The following ELMO1 variants were observed in gnomAD, a reference collection of about 807,000 sequenced individuals.
ELMO1 encodes the protein engulfment and cell motility 1, also known as engulfment and cell motility protein 1.
In ELMO1, 26 loss-of-function variants were observed where a neutral mutation model predicts 98.9. The ratio of observed to expected loss-of-function variants is 0.26; its 90% CI spans 0.19 to 0.36. ELMO1 has a LOEUF of 0.36. Ranked by LOEUF, ELMO1 falls within the 10% of genes least tolerant of loss-of-function variation. ELMO1 has a pLI of 1.00. For synonymous variants in ELMO1, 346 were observed against 346.0 expected (o/e 1.00, Z 0.00); for missense variants, 627 against 935.2 (o/e 0.67, Z 4.30).
intron 16 of ELMO1, among the ~76,000 whole-genome samples, chr7:36,977,264 T>A (rs993355823): frequency 3.3e-5 from 5 of 152,332 alleles, no homozygotes; most frequent in African/African-American, 7.2e-5. Flanking sequence ...TGAAAATTTT[T>A]AAAAAGGTTT....
At chr7:36,939,038 A>G (rs990134893) in intron 16 of ELMO1, among the ~76,000 whole-genome samples, 1 of 152,134 alleles carries the variant, frequency 6.6e-6, no homozygotes, top group Non-Finnish European at 1.5e-5. Flanking sequence ...TTAAAAACAA[A>G]GCTATAGACA....
chr7:37,132,929 T>A (rs2541097), intron 14 of ELMO1: 1 of 380,076 alleles, frequency 2.6e-6, no homozygotes. Context: ...GTCATCGAAA[T>A]AAAAAAATTA....
chr7:37,448,933 G>C (rs1260284870), upstream of ELMO1: 1 of 152,480 alleles, frequency 6.6e-6, no homozygotes, highest in East Asian at 1.9e-4. Flanking sequence ...CTGCTGGCCA[G>C]AGACACATTT....
At chr7:37,340,959 T>A (rs13247605) in intron 2 of ELMO1, among the ~76,000 whole-genome samples, 16,103 of 152,150 alleles carry the variant, frequency 0.11, 1,463 homozygotes, top group East Asian at 0.29. Context: ...AAATAGTTAT[T>A]TCGAATAAGT....
intron 16 of ELMO1, among the ~76,000 whole-genome samples, chr7:36,917,376 GATAA>G (rs1419516273): frequency 2.0e-5 from 3 of 152,100 alleles, no homozygotes; most frequent in African/African-American, 4.8e-5. Context: ...AGAAATTATT[GATAA>G]ATAGTCAAAT....
intron 15 of ELMO1, among the ~76,000 whole-genome samples, chr7:37,014,040 T>C (rs1327093181): frequency 6.6e-6 from 1 of 152,154 alleles, no homozygotes; most frequent in Non-Finnish European, 1.5e-5. Flanking sequence ...CTGAATAGCT[T>C]TGAAGGCGGC....
intron 7 of ELMO1, 41 bp downstream of exon 7, chr7:37,244,314 GA>G: frequency 6.2e-7 from 1 of 1,601,432 alleles, no homozygotes; most frequent in African/African-American, 1.3e-5. Flanking sequence ...AGGAAAGTAG[GA>G]AGGGTTAAAT....
At chr7:37,131,293 G>A (rs1786903948) in intron 14 of ELMO1, among the ~76,000 whole-genome samples, 1 of 152,058 alleles carries the variant, frequency 6.6e-6, no homozygotes, top group South Asian at 2.1e-4. Context: ...AAAGAAAAGT[G>A]CATGTGGACC....
At chr7:37,245,976 G>A (rs1360659083) in intron 6 of ELMO1, among the ~76,000 whole-genome samples, 1 of 152,170 alleles carries the variant, frequency 6.6e-6, no homozygotes, top group Non-Finnish European at 1.5e-5. Context: ...ATGTGCTGAT[G>A]TTGAAACACC....
At chr7:37,154,706 C>T (rs575990851) in intron 13 of ELMO1, among the ~76,000 whole-genome samples, 4 of 152,130 alleles carry the variant, frequency 2.6e-5, no homozygotes, top group South Asian at 2.1e-4. Context: ...CTGCAAATGA[C>T]GGGGAGAATG....
Position 37,375,390 on chromosome 7 carries a change from A to C in ELMO1, c.-73-32627T>G, listed in dbSNP as rs567119908. On this transcript the variant is annotated intron_variant, in intron 1 of 21. Transcript: ENST00000310758. ...ATCACTTACCTATGCAGGTCTTAGCAGAATTCAGGCCCCTCCCATAGATAG... is the reference window on the plus strand; with the variant it reads ...ATCACTTACCTATGCAGGTCTTAGCCGAATTCAGGCCCCTCCCATAGATAG... 43 of 588,928 alleles carry C rather than the reference A, an allele frequency of 7.3e-5. No individual in the cohort carries two copies. The South Asian group carries it at 8.4e-4, about 12-fold the overall frequency. 36.5% of individuals were successfully genotyped at this position (588,928 alleles called of 1,614,324 possible).
chr7:36,998,978 G>A (rs940910224), intron 16 of ELMO1, among the ~76,000 whole-genome samples: 2 of 151,972 alleles, frequency 1.3e-5, no homozygotes, highest in African/African-American at 4.8e-5. Flanking sequence ...TTATATTCTG[G>A]TGAGAAGACA....
At chr7:37,250,768 G>A (rs1795299059) in intron 6 of ELMO1, among the ~76,000 whole-genome samples, 1 of 147,652 alleles carries the variant, frequency 6.8e-6, no homozygotes, top group Admixed American at 6.8e-5. Flanking sequence ...CTCCAGCCTG[G>A]GTGACAAAGC....
At position 37,233,108 on chromosome 7, in the gene ELMO1, G is replaced by A. The variant is rs780651615; in HGVS notation, c.536C>T (p.Ala179Val). 5.0e-6 allele frequency: 8 copies of A among 1,613,076 alleles called. No homozygotes were observed. The highest frequency in any genetic ancestry group is 1.7e-4 in the Middle Eastern group (1 of 6,056). ...AGTCCACCTTACCTTCTTAATGAACGCCACCGAAAATGTATCCCAGGACAC... is the reference window on the plus strand; with the variant it reads ...AGTCCACCTTACCTTCTTAATGAACACCACCGAAAATGTATCCCAGGACAC... ...GIVSWDTFSVAFIKKIASFVN... is the reference protein window; with the variant it reads ...GIVSWDTFSVVFIKKIASFVN... Residue 179 changes from alanine to valine, a missense_variant, in exon 8 of 22, where the codon GCG (alanine) becomes GTG (valine). Ala to Val is a moderately conservative substitution (Grantham distance 64, BLOSUM62 0). Coordinates refer to ENST00000310758, the MANE Select transcript of ELMO1 (RefSeq NM_014800.11).
rs2131478043 is a variant in ELMO1, at chr7:37,406,328, T to C, written c.-74+42347A>G. Among the ~76,000 whole-genome samples the C allele has an allele frequency of 3.3e-5, 5 of 151,802 alleles. No homozygotes were observed. In the South Asian group the frequency reaches 1.0e-3, roughly 32 times the overall value. ...TCATGGCAAATATGAAAGATTTCCA[T>C]TGGATGAGACACTGAACTCAGTAGC... On this transcript the variant is annotated intron_variant, in intron 1 of 21. Coordinates refer to ENST00000310758, the MANE Select transcript of ELMO1 (RefSeq NM_014800.11).
intron 15 of ELMO1, among the ~76,000 whole-genome samples, chr7:37,070,881 A>G (rs1797232193): frequency 6.6e-6 from 1 of 152,248 alleles, no homozygotes. Flanking sequence ...ACTCTCATCA[A>G]GGAATCAGTG....
intron 16 of ELMO1, among the ~76,000 whole-genome samples, chr7:36,909,586 G>C (rs1784205787): frequency 6.6e-6 from 1 of 152,214 alleles, no homozygotes; most frequent in Admixed American, 6.5e-5. Flanking sequence ...CTTTTTTCGT[G>C]TGTGTGGGTT....
intron 16 of ELMO1, among the ~76,000 whole-genome samples, chr7:37,010,957 C>T (rs1260747308): frequency 6.6e-6 from 1 of 152,212 alleles, no homozygotes; most frequent in African/African-American, 2.4e-5. Context: ...CCTCTGATAT[C>T]TGCTCTTGCC....
At chr7:37,018,407 T>G (rs931012732) in intron 15 of ELMO1, among the ~76,000 whole-genome samples, 2 of 151,580 alleles carry the variant, frequency 1.3e-5, no homozygotes. Flanking sequence ...ATTACAGGTG[T>G]GAAACACTGT....
Sources: gnomAD v4.1 joint callset for allele counts (sites outside exome capture counted in the v4.1 genomes callset) on GRCh38, gnomAD v4.1.1 for gene constraint, MANE v1.5 for transcripts, NCBI Gene and HGNC (gene_info 2026-07-23, HGNC 2026-07-21) for gene names.